DNMBP: variants seen among roughly 807,000 people sequenced by gnomAD.
The protein encoded by DNMBP is dynamin binding protein, also known as dynamin-binding protein.
A neutral mutation model predicts 150.0 loss-of-function variants in DNMBP; 87 were observed. The observed-to-expected ratio is 0.58, with a 90% CI of 0.49 to 0.69. DNMBP has a LOEUF of 0.69. DNMBP is among the 30% of genes least tolerant of loss of function. The pLI, the probability that DNMBP is intolerant of heterozygous loss-of-function variation, is 0.00. For missense variants in DNMBP, 1,774 were observed against 1,949.0 expected (o/e 0.91, Z 1.69); for synonymous variants, 711 against 750.4 (o/e 0.95, Z 0.86).
chr10:100,001,803 T>C (rs532094722), intron 1 of DNMBP, among the ~76,000 whole-genome samples: 5 of 152,314 alleles, frequency 3.3e-5, no homozygotes, highest in East Asian at 3.9e-4. Flanking sequence ...GTGGTCTAGA[T>C]AAGGAAGGTG....
chr10:99,952,665 A>G (rs961693350), intron 4 of DNMBP, among the ~76,000 whole-genome samples: 3 of 152,174 alleles, frequency 2.0e-5, no homozygotes, highest in Non-Finnish European at 4.4e-5. Flanking sequence ...CTCTGCCCAC[A>G]TGCATAATAG....
intron 1 of DNMBP, among the ~76,000 whole-genome samples, chr10:99,974,896 T>C (rs921664850): frequency 6.6e-6 from 1 of 152,190 alleles, no homozygotes; most frequent in Non-Finnish European, 1.5e-5. Flanking sequence ...CCTGGGTACA[T>C]ATGGCTACAG....
At chr10:99,890,054 G>A (rs1029037329) in intron 11 of DNMBP, among the ~76,000 whole-genome samples, 2 of 152,032 alleles carry the variant, frequency 1.3e-5, no homozygotes, top group Non-Finnish European at 2.9e-5. Flanking sequence ...TTGGTTTGAT[G>A]CTTTATTTTT....
chr10:99,931,025 T>G, intron 4 of DNMBP: 3 of 361,414 alleles, frequency 8.3e-6, no homozygotes, highest in Non-Finnish European at 1.5e-5. Context: ...TGATTGGAGT[T>G]GCCAGCTTTG....
chr10:99,956,264 C>A lies in DNMBP; in HGVS notation c.1210G>T (p.Asp404Tyr). 1 of 1,613,280 alleles carries A rather than the reference C, an allele frequency of 6.2e-7. No individual in the cohort carries two copies. Residue 404 changes from aspartate (D) to tyrosine (Y), a missense_variant, in exon 4 of 17, where the codon GAC becomes TAC. Asp to Tyr is a radical substitution (Grantham distance 160). This residue lies in a region of DNMBP where 1,430 missense variants were observed against 1,492.5 expected (regional missense o/e 0.96). Transcript: ENST00000324109. ...ATACCATTGACTACTTCTGTAGGGT[C>A]AGATGTGGGAGAGTCTGTGGCAAGA... ...MPLATDSPTS[D>Y]PTEVVNGISS...
At chr10:99,958,407 T>C (rs1232167663) in intron 3 of DNMBP, 1 of 152,248 alleles carries the variant, frequency 6.6e-6, no homozygotes, top group African/African-American at 2.4e-5. Flanking sequence ...CTGAGTTATA[T>C]GCCTGAACCG....
At chr10:99,975,351 CTA>C (rs939590426) in intron 1 of DNMBP, among the ~76,000 whole-genome samples, 9 of 131,136 alleles carry the variant, frequency 6.9e-5, no homozygotes, top group African/African-American at 2.8e-4. Flanking sequence ...AAGAGCAAAA[CTA>C]TGTCTCAAAA....
intron 11 of DNMBP, among the ~76,000 whole-genome samples, chr10:99,891,219 T>A (rs1590214675): frequency 7.8e-6 from 1 of 127,790 alleles, no homozygotes; most frequent in Non-Finnish European, 1.6e-5. Flanking sequence ...TTCCACGGTC[T>A]CCCTCTCATG....
chr10:99,892,948 A>C (rs927550486), intron 11 of DNMBP, among the ~76,000 whole-genome samples: 1 of 152,224 alleles, frequency 6.6e-6, no homozygotes, highest in Non-Finnish European at 1.5e-5. Flanking sequence ...AAACCATCTC[A>C]GACAAAGGAC....
intron 4 of DNMBP, among the ~76,000 whole-genome samples, chr10:99,927,966 G>A (rs1167641715): frequency 6.6e-6 from 1 of 152,182 alleles, no homozygotes; most frequent in Non-Finnish European, 1.5e-5. Context: ...GGGGGGAAGG[G>A]AAGAGGAACA....
At chr10:99,910,852 T>C (rs577530177) in intron 4 of DNMBP, among the ~76,000 whole-genome samples, 1 of 152,198 alleles carries the variant, frequency 6.6e-6, no homozygotes, top group Non-Finnish European at 1.5e-5. Context: ...ATTGATAATA[T>C]GTAAGTACAT....
intron 9 of DNMBP, among the ~76,000 whole-genome samples, chr10:99,897,441 G>A (rs1294551412): frequency 1.3e-5 from 2 of 152,192 alleles, no homozygotes; most frequent in Admixed American, 6.5e-5. Context: ...TTAGAAAAAA[G>A]TCTATGCATG....
chr10:99,920,289 G>A lies in DNMBP; in HGVS notation c.2261-11143C>T, dbSNP rs116367180. 4.3e-3 allele frequency among the ~76,000 whole-genome samples: 656 copies of A among 152,108 alleles called. 7 individuals are homozygous for A. Among genetic ancestry groups the A allele is most frequent in the African/African-American group, 0.015 (617 of 41,488 alleles). On this transcript the variant is annotated intron_variant, in intron 4 of 16. Coordinates refer to ENST00000324109, the MANE Select transcript of DNMBP (RefSeq NM_015221.4). ...GGGGTTTCTCCATGTTGGTCACAGT[G>A]GCCTCAAACTCCCAACCTCAGGTGA...
intron 4 of DNMBP, among the ~76,000 whole-genome samples, chr10:99,941,390 G>A (rs929908686): frequency 1.3e-5 from 2 of 152,012 alleles, no homozygotes; most frequent in Non-Finnish European, 2.9e-5. Flanking sequence ...GACCAGAAAT[G>A]TGGTTGCTAC....
intron 1 of DNMBP, among the ~76,000 whole-genome samples, chr10:99,996,380 C>A (rs2040951789): frequency 6.6e-6 from 1 of 152,102 alleles, no homozygotes; most frequent in African/African-American, 2.4e-5. Flanking sequence ...ATTGGCCAGG[C>A]ATGGTGGCAC....
At chr10:99,911,873 T>A (rs1054620872) in intron 4 of DNMBP, among the ~76,000 whole-genome samples, 2 of 152,174 alleles carry the variant, frequency 1.3e-5, no homozygotes, top group African/African-American at 4.8e-5. Context: ...TTGTTTTAAA[T>A]TTTCTTTGTG....
intron 4 of DNMBP, among the ~76,000 whole-genome samples, chr10:99,947,565 T>C (rs1277670342): frequency 1.8e-5 from 2 of 111,038 alleles, no homozygotes; most frequent in Non-Finnish European, 1.8e-5. Context: ...TACAGGACAA[T>C]GGAGGGAGGG....
chr10:99,999,877 GGGAGA>G (rs1241359899), intron 1 of DNMBP, among the ~76,000 whole-genome samples: 1 of 152,184 alleles, frequency 6.6e-6, no homozygotes, highest in Non-Finnish European at 1.5e-5. Context: ...AAAATTTACT[GGGAGA>G]GGTGGTAGGC....
chr10:99,917,402 T>C (rs193131040), intron 4 of DNMBP, among the ~76,000 whole-genome samples: 1 of 152,262 alleles, frequency 6.6e-6, no homozygotes, highest in Admixed American at 6.5e-5. Context: ...AAGGGAAAAA[T>C]ATTTTAAATG....
Sources: gnomAD v4.1 joint callset for allele counts (sites outside exome capture counted in the v4.1 genomes callset) on GRCh38, gnomAD v4.1.1 for gene constraint, gnomAD v4.1.1 regional missense constraint, MANE v1.5 for transcripts, NCBI Gene and HGNC (gene_info 2026-07-23, HGNC 2026-07-21) for gene names.